The following TET2 variants were observed in gnomAD, a reference collection of about 807,000 sequenced individuals.
The protein encoded by TET2 is methylcytosine dioxygenase TET2.
In TET2, 299 loss-of-function variants were observed where a neutral mutation model predicts 142.9. The observed-to-expected ratio is 2.09, with a 90% CI of 1.90 to 2.30. The LOEUF (loss-of-function observed/expected upper bound fraction) is 2.30. Ranked by LOEUF, TET2 falls within the 30% of genes most tolerant of loss-of-function variation. TET2 has a pLI of 0.00. For missense variants in TET2, 2,418 were observed against 2,378.0 expected, an observed-to-expected ratio of 1.02 and a Z score of -0.35; for synonymous variants, 819 against 849.0, an observed-to-expected ratio of 0.96 and a Z score of 0.61.
At chr4:105,206,611 A>AC (rs1282746593) in intron 2 of TET2, among the ~76,000 whole-genome samples, 1 of 152,180 alleles carries the variant, frequency 6.6e-6, no homozygotes, top group Non-Finnish European at 1.5e-5. Context: ...TTGGGCTCTT[A>AC]GTGATGACTT....
Position 105,259,783 on chromosome 4 carries a change from C to CT in TET2, c.3954+15dup. 1 of 1,548,124 alleles carries CT rather than the reference C, an allele frequency of 6.5e-7. No homozygotes were observed. The highest frequency in any genetic ancestry group is 8.7e-7 in the Non-Finnish European group (1 of 1,145,260). On this transcript the variant is annotated intron_variant, in intron 7 of 10. Coordinates refer to ENST00000380013, the MANE Select transcript of TET2 (RefSeq NM_001127208.3). ...GACCCAAAAGAGGTTTGTTTACTTC[C>CT]TGATGTATAATCGCTTTATTTTTCA...
chr4:105,250,380 ATTT>A (rs59695275), intron 6 of TET2, among the ~76,000 whole-genome samples: 230 of 60,266 alleles, frequency 3.8e-3, no homozygotes, highest in African/African-American at 0.015. Context: ...TCCTTTCTGG[ATTT>A]TTTTTTTTTT....
At chr4:105,227,321 A>C (rs1049982823) in intron 2 of TET2, among the ~76,000 whole-genome samples, 2 of 152,166 alleles carry the variant, frequency 1.3e-5, no homozygotes, top group Non-Finnish European at 2.9e-5. Flanking sequence ...TAACAACCCC[A>C]AAAAAGGCCT....
At chr4:105,226,667 C>A (rs568428334) in intron 2 of TET2, among the ~76,000 whole-genome samples, 1 of 150,724 alleles carries the variant, frequency 6.6e-6, no homozygotes, top group South Asian at 2.2e-4. Context: ...CTCTCTTTTT[C>A]TCCCACTCCA....
At chr4:105,200,173 G>A (rs1352322631) in intron 2 of TET2, among the ~76,000 whole-genome samples, 1 of 152,106 alleles carries the variant, frequency 6.6e-6, no homozygotes, top group Non-Finnish European at 1.5e-5. Flanking sequence ...GCATATAAGT[G>A]TTCCTTTTTC....
At chr4:105,255,628 A>G (rs192547283) in intron 6 of TET2, among the ~76,000 whole-genome samples, 6 of 152,008 alleles carry the variant, frequency 3.9e-5, no homozygotes, top group Non-Finnish European at 5.9e-5. Flanking sequence ...TGCTTCATGT[A>G]TTTTGGTGCT....
chr4:105,195,282 CA>C (rs991060183), intron 2 of TET2, among the ~76,000 whole-genome samples: 2 of 152,010 alleles, frequency 1.3e-5, no homozygotes, highest in African/African-American at 4.8e-5. Context: ...AAGAAAATTG[CA>C]ATGTAAATAC....
rs368403190 is a variant in TET2, at chr4:105,234,961, T to C, written c.1019T>C (p.Ile340Thr). The change falls in exon 3 of 11, where the codon ATC (isoleucine) becomes ACC (threonine). Residue 340 changes from isoleucine to threonine, a missense_variant. Ile to Thr is a moderately conservative substitution (Grantham distance 89). Coordinates refer to ENST00000380013, the MANE Select transcript of TET2 (RefSeq NM_001127208.3). ...EICPSPAENN[I>T]QGTTKLASGE... ...TGCCCATCTCCTGCAGAAAATAACA[T>C]CCAGGGAACCACAAAGCTAGCGTCT... 12 of 1,613,796 alleles carry C rather than the reference T, an allele frequency of 7.4e-6. No individual in the cohort carries two copies. The African/African-American group carries it at 1.6e-4, about 22-fold the overall frequency.
At chr4:105,228,285 A>G (rs1578658029) in intron 2 of TET2, among the ~76,000 whole-genome samples, 1 of 152,154 alleles carries the variant, frequency 6.6e-6, no homozygotes, top group East Asian at 1.9e-4. Context: ...TCATTCTAAC[A>G]TATAACTTTC....
chr4:105,255,485 T>A (rs1730077051), intron 6 of TET2, among the ~76,000 whole-genome samples: 1 of 152,242 alleles, frequency 6.6e-6, no homozygotes, highest in Non-Finnish European at 1.5e-5. Flanking sequence ...GTTTTATAGA[T>A]GTCTGTTAGA....
At chr4:105,265,396 T>A (rs989829506) in intron 8 of TET2, among the ~76,000 whole-genome samples, 1 of 152,230 alleles carries the variant, frequency 6.6e-6, no homozygotes, top group Non-Finnish European at 1.5e-5. Flanking sequence ...TCCAGACATT[T>A]AGATGGATTT....
chr4:105,224,833 T>G (rs562593041), intron 2 of TET2, among the ~76,000 whole-genome samples: 12 of 152,136 alleles, frequency 7.9e-5, no homozygotes, highest in Middle Eastern at 6.8e-3. Context: ...GGTTATAATT[T>G]GACCTTTAGA....
chr4:105,241,067 G>A (rs948317016), intron 3 of TET2: 1 of 1,079,910 alleles, frequency 9.3e-7, no homozygotes, highest in South Asian at 4.2e-5. Context: ...TGTATTCTTT[G>A]TTTAGTTTCA....
At chr4:105,176,181 G>A (rs1003856079) in intron 1 of TET2, among the ~76,000 whole-genome samples, 2 of 152,092 alleles carry the variant, frequency 1.3e-5, no homozygotes, top group Non-Finnish European at 2.9e-5. Flanking sequence ...AAAACCTACA[G>A]TTTACATCAT....
In TET2 at chr4:105,269,705, T is replaced by A. The variant is rs3733609; in HGVS notation, c.4140T>A (p.His1380Gln). 1.3e-6 allele frequency: 2 copies of A among 1,551,592 alleles called. No homozygotes were observed. The highest frequency in any genetic ancestry group is 1.7e-6 in the Non-Finnish European group (2 of 1,146,964). Residue 1380 changes from histidine (H) to glutamine (Q), a missense_variant, in exon 9 of 11, where the codon CAT becomes CAA. His to Gln is a conservative substitution (Grantham distance 24, BLOSUM62 0). Transcript: ENST00000380013. ...CTGCATGTTTGGACTTCTGTGCTCA[T>A]GCCCACAGAGACTTGCACAACATGC... ...GVTACLDFCA[H>Q]AHRDLHNMQN...
chr4:105,243,915 C>T (rs999666756), intron 6 of TET2, 137 bp downstream of exon 6: 45 of 717,302 alleles, frequency 6.3e-5, no homozygotes, highest in East Asian at 1.6e-4. Flanking sequence ...GGCAGTCATG[C>T]GATAAGAAGT....
At chr4:105,154,586 G>A (rs1272924913) in intron 1 of TET2, among the ~76,000 whole-genome samples, 1 of 152,148 alleles carries the variant, frequency 6.6e-6, no homozygotes, top group African/African-American at 2.4e-5. Flanking sequence ...GATAACAATA[G>A]CCTTTAGAGC....
At chr4:105,222,448 C>A (rs1433921358) in intron 2 of TET2, among the ~76,000 whole-genome samples, 1 of 152,216 alleles carries the variant, frequency 6.6e-6, no homozygotes, top group Non-Finnish European at 1.5e-5. Flanking sequence ...TTTTGATTTT[C>A]ATTTCTCTGA....
At chr4:105,232,014 G>T (rs192432474) in intron 2 of TET2, among the ~76,000 whole-genome samples, 1 of 152,066 alleles carries the variant, frequency 6.6e-6, no homozygotes, top group Non-Finnish European at 1.5e-5. Flanking sequence ...GTAGTTTTTT[G>T]ATCCTCTCCC....
Sources: gnomAD v4.1 joint callset for allele counts (sites outside exome capture counted in the v4.1 genomes callset) on GRCh38, gnomAD v4.1.1 for gene constraint, MANE v1.5 for transcripts, NCBI Gene and HGNC (gene_info 2026-07-23, HGNC 2026-07-21) for gene names.